Variants in CSMD1 observed in about 807,000 individuals in gnomAD.
The protein encoded by CSMD1 is CUB and sushi domain-containing protein 1.
Under a neutral mutation model 417.5 loss-of-function variants are expected in CSMD1, and 213 were observed. That is an observed-to-expected ratio of 0.51 (90% CI 0.46 to 0.57). The LOEUF (loss-of-function observed/expected upper bound fraction) is 0.57, where lower values mean the gene tolerates loss of function less well. Among genes scored for constraint, CSMD1 ranks in the 20% least tolerant of loss-of-function variants. The pLI is 0.00. For synonymous variants in CSMD1, 2,862 were observed against 1,736.8 expected, an observed-to-expected ratio of 1.65 and a Z score of -16.11; for missense variants, 6,923 against 4,529.7, an observed-to-expected ratio of 1.53 and a Z score of -15.17.
chr8:3,601,120 T>G (rs1801340874), intron 8 of CSMD1, among the ~76,000 whole-genome samples: 1 of 152,202 alleles, frequency 6.6e-6, no homozygotes, highest in Non-Finnish European at 1.5e-5. Context: ...TGTATATCAC[T>G]GCTAGATGTA....
chr8:4,604,969 C>T (rs1386302282), intron 2 of CSMD1, among the ~76,000 whole-genome samples: 2 of 152,136 alleles, frequency 1.3e-5, no homozygotes, highest in Non-Finnish European at 2.9e-5. Context: ...TGGGTCTATG[C>T]CAGATACGAG....
intron 3 of CSMD1, among the ~76,000 whole-genome samples, chr8:4,084,880 T>C (rs987816753): frequency 1.3e-5 from 2 of 151,924 alleles, no homozygotes; most frequent in Non-Finnish European, 1.5e-5. Context: ...TGCAAATACA[T>C]ACATTCAGTT....
intron 2 of CSMD1, among the ~76,000 whole-genome samples, chr8:4,455,008 C>T (rs974448529): frequency 6.6e-5 from 10 of 152,020 alleles, no homozygotes; most frequent in African/African-American, 9.7e-5. Flanking sequence ...CTGTGTGTTG[C>T]TATCCCAGTG....
At chr8:3,152,807 T>A (rs765372101) in intron 39 of CSMD1, among the ~76,000 whole-genome samples, 22 of 152,230 alleles carry the variant, frequency 1.4e-4, no homozygotes, top group Admixed American at 6.5e-5. Context: ...CAGGCTCCCA[T>A]GTGCACTTTG....
At chr8:4,385,619 T>C (rs1803397627) in intron 3 of CSMD1, among the ~76,000 whole-genome samples, 2 of 152,198 alleles carry the variant, frequency 1.3e-5, no homozygotes, top group African/African-American at 4.8e-5. Flanking sequence ...AATGTATTTA[T>C]GAATCAGTAA....
chr8:4,907,538 T>C (rs1022546381), intron 1 of CSMD1, among the ~76,000 whole-genome samples: 5 of 105,922 alleles, frequency 4.7e-5, no homozygotes, highest in African/African-American at 2.2e-4. Flanking sequence ...AAATTATTTT[T>C]GGTTTGTGTT....
intron 3 of CSMD1, among the ~76,000 whole-genome samples, chr8:4,111,112 A>T (rs1409293254): frequency 6.6e-6 from 1 of 150,400 alleles, no homozygotes; most frequent in Non-Finnish European, 1.5e-5. Flanking sequence ...CCTTCTACAA[A>T]GTTTTGTTTT....
intron 1 of CSMD1, among the ~76,000 whole-genome samples, chr8:4,787,010 C>T (rs1797434702): frequency 6.6e-6 from 1 of 152,174 alleles, no homozygotes; most frequent in South Asian, 2.1e-4. Flanking sequence ...GTGTGTGTGG[C>T]AATGTGGAAG....
At chr8:3,810,621 T>C (rs1801014845) in intron 5 of CSMD1, among the ~76,000 whole-genome samples, 1 of 152,154 alleles carries the variant, frequency 6.6e-6, no homozygotes, top group South Asian at 2.1e-4. Context: ...GGTGACTCAT[T>C]ATTGGGGGAC....
chr8:4,212,451 A>C (rs947874484), intron 3 of CSMD1, among the ~76,000 whole-genome samples: 1 of 152,132 alleles, frequency 6.6e-6, no homozygotes, highest in African/African-American at 2.4e-5. Context: ...ATCATGAAAA[A>C]TGTACTTAAC....
intron 2 of CSMD1, among the ~76,000 whole-genome samples, chr8:4,579,164 T>C (rs1451395769): frequency 2.0e-5 from 3 of 151,912 alleles, no homozygotes; most frequent in Non-Finnish European, 2.9e-5. Flanking sequence ...GTGAGGAATA[T>C]GTACACACTA....
chr8:4,874,967 C>G (rs1024448277), intron 1 of CSMD1, among the ~76,000 whole-genome samples: 7 of 150,806 alleles, frequency 4.6e-5, no homozygotes, highest in African/African-American at 1.5e-4. Flanking sequence ...TTGCTTTTTT[C>G]TCCTTTATTT....
intron 15 of CSMD1, among the ~76,000 whole-genome samples, chr8:3,402,851 CTTA>C (rs1228910488): frequency 2.0e-5 from 3 of 151,718 alleles, no homozygotes; most frequent in East Asian, 3.9e-4. Context: ...ACTTTTTAAT[CTTA>C]TTATTAAATT....
At chr8:3,050,691 T>C (rs1811763558) in intron 50 of CSMD1, among the ~76,000 whole-genome samples, 1 of 152,158 alleles carries the variant, frequency 6.6e-6, no homozygotes, top group Non-Finnish European at 1.5e-5. Flanking sequence ...CAATATTGTC[T>C]GACTCTCAGG....
At chr8:2,946,673 G>A (rs184422241) in intron 68 of CSMD1, among the ~76,000 whole-genome samples, 1 of 152,122 alleles carries the variant, frequency 6.6e-6, no homozygotes, top group African/African-American at 2.4e-5. Context: ...CTACATTTGG[G>A]TTATTATAAA....
At position 3,555,995 on chromosome 8, in the gene CSMD1, C is replaced by G. The variant is rs116972014; in HGVS notation, c.1344+18950G>C. On this transcript the variant is annotated intron_variant, in intron 10 of 69. Coordinates refer to ENST00000635120, the MANE Select transcript of CSMD1 (RefSeq NM_033225.6). ...GACAGACTATTAAAACTGGTGATTT[C>G]AATCCCATTCAAGGACAGAACAAAT... Among the ~76,000 whole-genome samples, 4 of 152,226 alleles carry G rather than the reference C, an allele frequency of 2.6e-5. No homozygotes were observed. The East Asian group carries it at 7.7e-4, about 29-fold the overall frequency.
intron 3 of CSMD1, among the ~76,000 whole-genome samples, chr8:4,365,978 G>A (rs889754654): frequency 6.6e-6 from 1 of 152,010 alleles, no homozygotes; most frequent in African/African-American, 2.4e-5. Context: ...GTTTGTTCAT[G>A]GGGAAACTGT....
rs1194949351 is a variant in CSMD1, at chr8:4,416,338, C to T, written c.415+3615G>A. 9.2e-5 allele frequency among the ~76,000 whole-genome samples: 14 copies of T among 152,018 alleles called. No individual in the cohort carries two copies. The East Asian group carries it at 1.5e-3, about 17-fold the overall frequency. On this transcript the variant is annotated intron_variant, in intron 3 of 69. Transcript: ENST00000635120. Reference sequence around the variant, plus strand: ...CTTATAAAATGAACTAAAAAGTCAACCTAAATTATTGCATATAATTCATAA... The same window carrying T: ...CTTATAAAATGAACTAAAAAGTCAATCTAAATTATTGCATATAATTCATAA...
At chr8:4,557,604 G>A (rs1798152059) in intron 2 of CSMD1, among the ~76,000 whole-genome samples, 1 of 151,876 alleles carries the variant, frequency 6.6e-6, no homozygotes, top group African/African-American at 2.4e-5. Context: ...GTTTTGGGGA[G>A]GTGGGGGAAG....
Sources: gnomAD v4.1 joint callset for allele counts (sites outside exome capture counted in the v4.1 genomes callset) on GRCh38, gnomAD v4.1.1 for gene constraint, MANE v1.5 for transcripts, NCBI Gene and HGNC (gene_info 2026-07-23, HGNC 2026-07-21) for gene names.